SNX18: variants seen among roughly 807,000 people sequenced by gnomAD.
SNX18 encodes the protein sorting nexin-18.
Under a neutral mutation model 48.7 loss-of-function variants are expected in SNX18, and 35 were observed. The observed-to-expected ratio is 0.72, with a 90% confidence interval of 0.55 to 0.95. SNX18 has a LOEUF of 0.95. Among genes scored for constraint, SNX18 ranks in the 40% least tolerant of loss-of-function variants. The pLI is 0.00. For synonymous variants in SNX18, 492 were observed against 384.7 expected, an observed-to-expected ratio of 1.28 and a Z score of -3.26; for missense variants, 824 against 871.0, an observed-to-expected ratio of 0.95 and a Z score of 0.68.
the SNX18 span, among the ~76,000 whole-genome samples, chr5:54,619,060 C>A: frequency 7.1e-4 from 108 of 152,228 alleles, 1 homozygote; most frequent in African/African-American, 2.5e-3. Context: ...TAGGCATAGA[C>A]AGGTTTCCAT....
chr5:54,554,828 T>C, the SNX18 span, among the ~76,000 whole-genome samples: 1 of 152,166 alleles, frequency 6.6e-6, no homozygotes, highest in Non-Finnish European at 1.5e-5. Context: ...GAAAATAATA[T>C]CGAGCAGGGA....
At chr5:54,641,585 G>T in the SNX18 span, among the ~76,000 whole-genome samples, 2 of 152,034 alleles carry the variant, frequency 1.3e-5, no homozygotes, top group Admixed American at 6.5e-5. Context: ...GGTTTTGAGC[G>T]TGCACTACAG....
chr5:54,518,153 G>T lies in SNX18; in HGVS notation c.201G>T (p.Ala67=), dbSNP rs1427699077. Reference sequence around the variant, plus strand: ...TCCGCGCCCCCGAGCCTGGCCCGGCGGGAGACGGCGGCCCGGGCGCCCCGG... The same window carrying T: ...TCCGCGCCCCCGAGCCTGGCCCGGCTGGAGACGGCGGCCCGGGCGCCCCGG... ...QVIRAPEPGP[A]GDGGPGAPAR... Residue 67 remains alanine (A), a synonymous_variant, in exon 1 of 2, where the codon GCG becomes GCT. Coordinates refer to ENST00000381410, the MANE Select transcript of SNX18 (RefSeq NM_001102575.2). 2.2e-6 allele frequency: 3 copies of T among 1,394,382 alleles called. No homozygotes were observed. The highest frequency in any genetic ancestry group is 3.2e-5 in the South Asian group (2 of 63,078). The allele number at this position is 1,394,382 out of a possible 1,614,324, so 86.4% of individuals were successfully genotyped here. A position where few individuals can be genotyped will look rare whatever the true frequency, so the allele number is the denominator to read the frequency against.
At chr5:54,565,152 C>A in the SNX18 span, among the ~76,000 whole-genome samples, 15 of 152,198 alleles carry the variant, frequency 9.9e-5, no homozygotes, top group Non-Finnish European at 1.5e-5. Flanking sequence ...ACCAGATCAG[C>A]AACTTCTATT....
chr5:54,597,480 A>G, the SNX18 span, among the ~76,000 whole-genome samples: 1 of 152,170 alleles, frequency 6.6e-6, no homozygotes, highest in Non-Finnish European at 1.5e-5. Flanking sequence ...TCCAAAACTG[A>G]TCCCATAATT....
the SNX18 span, among the ~76,000 whole-genome samples, chr5:54,579,994 AT>A: frequency 3.3e-3 from 497 of 150,250 alleles, 2 homozygotes; most frequent in African/African-American, 8.2e-3. Context: ...CCTATCTGTA[AT>A]TTTTTTTTTA....
chr5:54,636,377 T>A, the SNX18 span, among the ~76,000 whole-genome samples: 46 of 152,352 alleles, frequency 3.0e-4, no homozygotes, highest in African/African-American at 1.1e-3. Flanking sequence ...ACTTTTTTTT[T>A]TATCTCTGGA....
At position 54,517,834 on chromosome 5, in the gene SNX18, GT is replaced by G; in HGVS notation, c.-116del. 1 of 1,140,538 alleles carries G rather than the reference GT, an allele frequency of 8.8e-7. No homozygotes were observed. Among genetic ancestry groups the G allele is most frequent in the Non-Finnish European group, 1.1e-6 (1 of 879,628 alleles). The allele number at this position is 1,140,538 out of a possible 1,614,324, so 70.7% of individuals were successfully genotyped here. A position where few individuals can be genotyped will look rare whatever the true frequency, so the allele number is the denominator to read the frequency against. ...CGACCGGCTGGTCCGGGCAGCGTGG[GT>G]TTGCCGCCTTCGGGGCTCCAGTCCG... On this transcript the variant is annotated 5_prime_UTR_variant, in exon 1 of 2. Coordinates refer to ENST00000381410, the MANE Select transcript of SNX18 (RefSeq NM_001102575.2).
the SNX18 span, among the ~76,000 whole-genome samples, chr5:54,603,400 T>C: frequency 6.6e-6 from 1 of 152,066 alleles, no homozygotes; most frequent in Non-Finnish European, 1.5e-5. Flanking sequence ...CCACAATGCC[T>C]GGCCTAAAGA....
chr5:54,575,066 G>A, the SNX18 span, among the ~76,000 whole-genome samples: 1 of 152,170 alleles, frequency 6.6e-6, no homozygotes, highest in Non-Finnish European at 1.5e-5. Context: ...ACTGTGTGAG[G>A]AATAGAATAT....
the SNX18 span, among the ~76,000 whole-genome samples, chr5:54,566,268 A>C: frequency 6.6e-6 from 1 of 152,246 alleles, no homozygotes; most frequent in Non-Finnish European, 1.5e-5. Flanking sequence ...CCTGACCGTC[A>C]GTTACTATGG....
At chr5:54,588,804 A>G in the SNX18 span, among the ~76,000 whole-genome samples, 1 of 152,200 alleles carries the variant, frequency 6.6e-6, no homozygotes, top group African/African-American at 2.4e-5. Context: ...ATCATCAAAG[A>G]GAATGTAACA....
chr5:54,521,918 G>T (rs1381166474), intron 1 of SNX18, among the ~76,000 whole-genome samples: 1 of 152,022 alleles, frequency 6.6e-6, no homozygotes, highest in Non-Finnish European at 1.5e-5. Flanking sequence ...AGTCACTTGG[G>T]ATTTGAAAAA....
Position 54,518,114 on chromosome 5 carries a change from C to T in SNX18, c.162C>T (p.Ser54=), listed in dbSNP as rs765778773. The change falls in exon 1 of 2, where the codon TCC becomes TCT. Residue 54 remains serine, a synonymous_variant. Transcript: ENST00000381410. ...GCGACCGCGGCCTCTTCCCGGCCTC[C>T]TATGTGCAGGTGATCCGCGCCCCCG... ...SRGDRGLFPA[S]YVQVIRAPEP... 7.3e-6 allele frequency: 11 copies of T among 1,499,412 alleles called. No homozygotes were observed. The South Asian group carries it at 1.0e-4, about 14-fold the overall frequency. The allele number at this position is 1,499,412 out of a possible 1,614,324, so 92.9% of individuals were successfully genotyped here.
chr5:54,590,403 G>C, the SNX18 span, among the ~76,000 whole-genome samples: 1 of 152,134 alleles, frequency 6.6e-6, no homozygotes, highest in Admixed American at 6.5e-5. Context: ...TTTTGTTTTA[G>C]TGCCATTCTT....
chr5:54,610,368 A>G, the SNX18 span, among the ~76,000 whole-genome samples: 1 of 152,292 alleles, frequency 6.6e-6, no homozygotes, highest in Non-Finnish European at 1.5e-5. Flanking sequence ...CTTTACACAC[A>G]AAGGAATGGA....
chr5:54,520,007 T>C, intron 1 of SNX18: 1 of 601,426 alleles, frequency 1.7e-6, no homozygotes. Context: ...TGTCTGTAAA[T>C]AGAAATCTGC....
At chr5:54,572,920 G>A in the SNX18 span, among the ~76,000 whole-genome samples, 1 of 149,136 alleles carries the variant, frequency 6.7e-6, no homozygotes, top group Admixed American at 6.8e-5. Flanking sequence ...CAGCCTGTCA[G>A]TGGCGTTTGA....
the SNX18 span, among the ~76,000 whole-genome samples, chr5:54,631,765 C>T: frequency 6.6e-6 from 1 of 152,188 alleles, no homozygotes; most frequent in Non-Finnish European, 1.5e-5. Context: ...GGTACCTACA[C>T]TTATTTGCAA....
Sources: gnomAD v4.1 joint callset for allele counts (sites outside exome capture counted in the v4.1 genomes callset) on GRCh38, gnomAD v4.1.1 for gene constraint, MANE v1.5 for transcripts, NCBI Gene and HGNC (gene_info 2026-07-23, HGNC 2026-07-21) for gene names.